TOM1L1: variants seen among roughly 807,000 people sequenced by gnomAD.
The protein encoded by TOM1L1 is target of myb1 like 1 membrane trafficking protein.
TOM1L1 carries 64 observed loss-of-function variants against 63.4 expected under a neutral mutation model. That is an observed-to-expected ratio of 1.01 (90% CI 0.83 to 1.24). The LOEUF (loss-of-function observed/expected upper bound fraction) is 1.24, where lower values mean the gene tolerates loss of function less well. Ranked by LOEUF, TOM1L1 falls within the 50% of genes most tolerant of loss-of-function variation. The probability of loss-of-function intolerance (pLI) is 0.00; values close to 1 mark genes in which losing one functional copy is unlikely to be tolerated. For synonymous variants in TOM1L1, 166 were observed against 194.4 expected (o/e 0.85, Z 1.22); for missense variants, 536 against 567.0 (o/e 0.95, Z 0.55).
rs777215365 is a variant in TOM1L1, at chr17:54,938,925, T to G, written c.1035T>G (p.Asn345Lys). 9 of 1,604,882 alleles carry G rather than the reference T, an allele frequency of 5.6e-6. No individual in the cohort carries two copies. Among genetic ancestry groups the G allele is most frequent in the Non-Finnish European group, 7.7e-6 (9 of 1,174,218 alleles). Residue 345 changes from asparagine (N) to lysine (K), a missense_variant and splice_region_variant, in exon 11 of 16, where the codon AAT becomes AAG. Asn to Lys is a moderately conservative substitution (Grantham distance 94, BLOSUM62 0). Coordinates refer to ENST00000575882, the MANE Select transcript of TOM1L1 (RefSeq NM_005486.3). ...NTMNNQLSGLNFSLPSSDVTN... is the reference protein window; with the variant it reads ...NTMNNQLSGLKFSLPSSDVTN... ...AAACAAGTCCATTTTGTGTTTTAGA[T>G]TTCAGCCTTCCAAGTTCTGATGTAA...
At chr17:54,918,675 A>G (rs1038628290) in intron 7 of TOM1L1, among the ~76,000 whole-genome samples, 2 of 152,036 alleles carry the variant, frequency 1.3e-5, no homozygotes, top group Admixed American at 1.3e-4. Flanking sequence ...GCAAGACAAG[A>G]CTCTAGAAAA....
At chr17:54,942,765 C>T (rs1462411774) in intron 11 of TOM1L1, among the ~76,000 whole-genome samples, 1 of 152,102 alleles carries the variant, frequency 6.6e-6, no homozygotes, top group African/African-American at 2.4e-5. Flanking sequence ...CAAATAACTA[C>T]CCCCAGTCAG....
Position 54,961,741 on chromosome 17 carries a change from T to C in TOM1L1, c.*508T>C. ...CCTCTGGTTTAGAATTATAAATTGT[T>C]AAAACCTTGATAATTGTCATTTAAT... is the stretch of plus-strand genomic sequence containing the variant. On this transcript the variant is annotated 3_prime_UTR_variant, in exon 16 of 16. Coordinates refer to ENST00000575882, the MANE Select transcript of TOM1L1 (RefSeq NM_005486.3). The C allele has an allele frequency of 2.0e-6, 2 of 1,017,788 alleles. No individual in the cohort carries two copies. Among genetic ancestry groups the C allele is most frequent in the Non-Finnish European group, 2.4e-6 (2 of 850,756 alleles). The allele number at this position is 1,017,788 out of a possible 1,614,324, so 63.0% of individuals were successfully genotyped here.
At chr17:54,917,206 G>T (rs2048605155) in intron 7 of TOM1L1, 2 of 152,136 alleles carry the variant, frequency 1.3e-5, no homozygotes, top group African/African-American at 4.8e-5. Context: ...TTAATTCTAG[G>T]AATTCTCAGC....
chr17:54,926,632 T>G (rs1234678498), intron 7 of TOM1L1, among the ~76,000 whole-genome samples: 1 of 131,054 alleles, frequency 7.6e-6, no homozygotes, highest in Non-Finnish European at 1.6e-5. Flanking sequence ...ATGAGGATTG[T>G]AACCAGTTGA....
In TOM1L1 at chr17:54,937,158, C is replaced by G; in HGVS notation, c.965C>G (p.Pro322Arg). ...TCTCAAGATCTCCTCGACCTAAGTC[C>G]CAGTCCCCGGATGCCTAGGGCCACT... ...APSQDLLDLS[P>R]SPRMPRATLG... Residue 322 changes from proline (P) to arginine (R), a missense_variant, in exon 10 of 16, where the codon CCC (proline) becomes CGC (arginine). Transcript: ENST00000575882. 6.2e-6 allele frequency: 10 copies of G among 1,613,868 alleles called. No individual in the cohort carries two copies. Among genetic ancestry groups the G allele is most frequent in the Non-Finnish European group, 8.5e-6 (10 of 1,179,996 alleles).
chr17:54,937,809 AAAT>A (rs199633937), intron 10 of TOM1L1: 2,942 of 148,960 alleles, frequency 0.02, 63 homozygotes, highest in East Asian at 0.13. Context: ...AATGTTTATA[AAAT>A]GCATTGTAGC....
chr17:54,958,730 C>CAAA (rs61603848), intron 14 of TOM1L1, among the ~76,000 whole-genome samples: 748 of 57,468 alleles, frequency 0.013, 13 homozygotes, highest in African/African-American at 0.034. Flanking sequence ...AACTCCATCT[C>CAAA]AAAAAAAAAA....
rs1340010978 is a variant in TOM1L1, at chr17:54,961,262, A to G, written c.*29A>G. Reference sequence around the variant, plus strand: ...GAAAGTGGATGATCAGCTCACTACCACATCAAAGGTGCCAACTCTCTAAAA... The same window carrying G: ...GAAAGTGGATGATCAGCTCACTACCGCATCAAAGGTGCCAACTCTCTAAAA... On this transcript the variant is annotated 3_prime_UTR_variant, in exon 16 of 16. Coordinates refer to ENST00000575882, the MANE Select transcript of TOM1L1 (RefSeq NM_005486.3). 1.9e-6 allele frequency: 3 copies of G among 1,550,722 alleles called. No homozygotes were observed. Among genetic ancestry groups the G allele is most frequent in the Non-Finnish European group, 2.6e-6 (3 of 1,146,250 alleles).
chr17:54,936,372 C>A, intron 8 of TOM1L1: 1 of 275,748 alleles, frequency 3.6e-6, no homozygotes, highest in Non-Finnish European at 6.7e-6. Context: ...AAAATAGATG[C>A]ACTTATAGAT....
At chr17:54,960,157 GT>G (rs1177223583) in intron 14 of TOM1L1, among the ~76,000 whole-genome samples, 1 of 152,128 alleles carries the variant, frequency 6.6e-6, no homozygotes, top group Non-Finnish European at 1.5e-5. Flanking sequence ...GAGGTCAGGA[GT>G]TTGAAACCAG....
chr17:54,920,424 T>A (rs756425026), intron 7 of TOM1L1, among the ~76,000 whole-genome samples: 4 of 152,104 alleles, frequency 2.6e-5, no homozygotes, highest in Non-Finnish European at 4.4e-5. Flanking sequence ...CCCATTGAAA[T>A]GACAGAAGAA....
In TOM1L1 at chr17:54,961,248, A is replaced by C. The variant is rs1765849373; in HGVS notation, c.*15A>C. 1 of 1,546,304 alleles carries C rather than the reference A, an allele frequency of 6.5e-7. No individual in the cohort carries two copies. Among genetic ancestry groups the C allele is most frequent in the Admixed American group, 2.0e-5 (1 of 50,976 alleles). ...TCTTTATTTTAGAAGAAAGTGGATG[A>C]TCAGCTCACTACCACATCAAAGGTG... On this transcript the variant is annotated 3_prime_UTR_variant, in exon 16 of 16. Coordinates refer to ENST00000575882, the MANE Select transcript of TOM1L1 (RefSeq NM_005486.3).
At chr17:54,914,225 A>G (rs1297795680) in intron 5 of TOM1L1, among the ~76,000 whole-genome samples, 1 of 152,104 alleles carries the variant, frequency 6.6e-6, no homozygotes, top group East Asian at 1.9e-4. Context: ...CATTGACCCA[A>G]GGAGGGTCAT....
chr17:54,934,017 G>A (rs911000768), intron 8 of TOM1L1, among the ~76,000 whole-genome samples: 4 of 152,200 alleles, frequency 2.6e-5, no homozygotes, highest in South Asian at 2.1e-4. Flanking sequence ...CACAATTTAC[G>A]TGTGAGAAGG....
chr17:54,930,239 TC>T (rs2048836607), intron 8 of TOM1L1, 33 bp downstream of exon 8: 1 of 1,612,326 alleles, frequency 6.2e-7, no homozygotes, highest in Admixed American at 1.7e-5. Context: ...TTACCCCTCT[TC>T]CATTTCTACT....
chr17:54,912,652 T>G lies in TOM1L1; in HGVS notation c.223-14T>G, dbSNP rs1200715797. The G allele has an allele frequency of 2.0e-6, 3 of 1,516,536 alleles. No individual in the cohort carries two copies. In the African/African-American group the frequency reaches 4.3e-5, roughly 22 times the overall value. The allele number at this position is 1,516,536 out of a possible 1,614,324, so 93.9% of individuals were successfully genotyped here. ...GCCAGATAAATATAATGTTTAATTT[T>G]TTTTCTAATTTAGCTTATTGACATG... is the stretch of plus-strand genomic sequence containing the variant. On this transcript the variant is annotated splice_polypyrimidine_tract_variant and intron_variant, in intron 3 of 15. Transcript: ENST00000575882.
Position 54,915,646 on chromosome 17 carries a change from A to G in TOM1L1, c.604-100A>G. 4 of 750,412 alleles carry G rather than the reference A, an allele frequency of 5.3e-6. No individual in the cohort carries two copies. In the South Asian group the frequency reaches 1.4e-4, roughly 26 times the overall value. The allele number at this position is 750,412 out of a possible 1,614,324, so 46.5% of individuals were successfully genotyped here. ...TAAGTTTGAAAATATTAAATTTTGC[A>G]AAAGCATTTTTTCATCCAGCAAATG... On this transcript the variant is annotated intron_variant, in intron 6 of 15. Coordinates refer to ENST00000575882, the MANE Select transcript of TOM1L1 (RefSeq NM_005486.3).
intron 3 of TOM1L1, among the ~76,000 whole-genome samples, chr17:54,909,672 T>A (rs73319563): frequency 0.032 from 4,850 of 152,242 alleles, 182 homozygotes; most frequent in African/African-American, 0.084. Flanking sequence ...AGATATTATG[T>A]CCATTTTGCA....
Sources: gnomAD v4.1 joint callset for allele counts (sites outside exome capture counted in the v4.1 genomes callset) on GRCh38, gnomAD v4.1.1 for gene constraint, MANE v1.5 for transcripts, NCBI Gene and HGNC (gene_info 2026-07-23, HGNC 2026-07-21) for gene names.